GPR149: variants seen among roughly 807,000 people sequenced by gnomAD.
The protein encoded by GPR149 is probable G protein-coupled receptor 149.
In GPR149, 50 loss-of-function variants were observed where a neutral mutation model predicts 50.2. The ratio of observed to expected loss-of-function variants is 1.00; its 90% confidence interval spans 0.79 to 1.26. GPR149 has a LOEUF of 1.26. Among genes scored for constraint, GPR149 ranks in the 50% most tolerant of loss-of-function variants. GPR149 has a pLI of 0.00. For synonymous variants in GPR149, 405 were observed against 358.2 expected, an observed-to-expected ratio of 1.13 and a Z score of -1.48; for missense variants, 983 against 895.4, an observed-to-expected ratio of 1.10 and a Z score of -1.25.
rs1713679310 is a variant in GPR149, at chr3:154,337,429, C to T, written c.*270G>A. ...GTTGACAAGCAAAAACATTGGTAAA[C>T]TAGGCCAAGATTTGATTTAGAAAAT... On this transcript the variant is annotated 3_prime_UTR_variant, in exon 4 of 4. Coordinates refer to ENST00000389740, the MANE Select transcript of GPR149 (RefSeq NM_001038705.3). 6.6e-6 allele frequency among the ~76,000 whole-genome samples: 1 copy of T among 152,096 alleles called. No homozygotes were observed. Among genetic ancestry groups the T allele is most frequent in the Admixed American group, 6.6e-5 (1 of 15,252 alleles).
In GPR149 at chr3:154,421,090, A is replaced by G. The variant is rs1712129402; in HGVS notation, c.1572T>C (p.Asp524=). 5 of 1,613,066 alleles carry G rather than the reference A, an allele frequency of 3.1e-6. No homozygotes were observed. The highest frequency in any genetic ancestry group is 3.3e-4 in the Middle Eastern group (2 of 6,058). The change falls in exon 3 of 4, where the codon GAT becomes GAC. Residue 524 remains aspartate (D), a synonymous_variant. Coordinates refer to ENST00000389740, the MANE Select transcript of GPR149 (RefSeq NM_001038705.3). The part of the protein sequence containing the change: ...RLSHEESQKP[D]LSDWEWCRSK... ...TCCTACACCACTCCCAGTCTGAAAG[A>G]TCTGGTTTCTGACTCTCTTCATGAG...
chr3:154,376,717 T>G (rs1714799656), intron 3 of GPR149, among the ~76,000 whole-genome samples: 1 of 152,170 alleles, frequency 6.6e-6, no homozygotes. Flanking sequence ...AATATACATG[T>G]CTATTATAAC....
intron 3 of GPR149, among the ~76,000 whole-genome samples, chr3:154,419,045 G>A (rs1372942844): frequency 6.6e-6 from 1 of 151,832 alleles, no homozygotes; most frequent in Non-Finnish European, 1.5e-5. Flanking sequence ...GAAATAAAAA[G>A]TTTTACCTTT....
chr3:154,414,568 A>AG (rs1711934628), intron 3 of GPR149, among the ~76,000 whole-genome samples: 1 of 152,068 alleles, frequency 6.6e-6, no homozygotes, highest in African/African-American at 2.4e-5. Context: ...AAAAATTACA[A>AG]GGGGGAAAAA....
intron 2 of GPR149, among the ~76,000 whole-genome samples, chr3:154,427,259 CCCTTTT>C (rs770545520): frequency 1.9e-4 from 28 of 151,254 alleles, no homozygotes; most frequent in Non-Finnish European, 1.6e-4. Flanking sequence ...TCCTAGTCTT[CCCTTTT>C]TTTTTTCTAC....
intron 3 of GPR149, among the ~76,000 whole-genome samples, chr3:154,385,277 G>C (rs1515652): frequency 6.6e-6 from 1 of 152,162 alleles, no homozygotes; most frequent in Non-Finnish European, 1.5e-5. Context: ...CAATCCCTGC[G>C]AATTCTTTGG....
rs1713688690 is a variant in GPR149 at position 154,337,788 on chromosome 3, G to T, written c.2107C>A (p.Gln703Lys). 6.2e-7 allele frequency: 1 copy of T among 1,613,898 alleles called. No homozygotes were observed. Among genetic ancestry groups the T allele is most frequent in the Non-Finnish European group, 8.5e-7 (1 of 1,179,908 alleles). The change falls in exon 4 of 4, where the codon CAG becomes AAG. Residue 703 changes from glutamine to lysine, a missense_variant. Coordinates refer to ENST00000389740, the MANE Select transcript of GPR149 (RefSeq NM_001038705.3). ...TGGTAGCCATCCCTCTCTTGATGCT[G>T]CCTTTTACTGTTCTGCCTGTGTGCT... ...VEAHRQNSKRQHQERDGYQEE... is the reference protein window; with the variant it reads ...VEAHRQNSKRKHQERDGYQEE...
At chr3:154,392,116 A>G (rs1715185737) in intron 3 of GPR149, among the ~76,000 whole-genome samples, 1 of 151,932 alleles carries the variant, frequency 6.6e-6, no homozygotes, top group Admixed American at 6.6e-5. Flanking sequence ...AAAAAAATCA[A>G]TAAGGAAACA....
Position 154,429,554 on chromosome 3 carries a change from T to A in GPR149, c.62A>T (p.Asn21Ile). 1 of 1,614,024 alleles carries A rather than the reference T, an allele frequency of 6.2e-7. No individual in the cohort carries two copies. The highest frequency in any genetic ancestry group is 8.5e-7 in the Non-Finnish European group (1 of 1,179,856). ...TGGCGGATTTAAAAGGTCCGTAGAA[T>A]TATGATTCTCTTTCCACAGGCTAGA... ...NDSSLWKENH[N>I]STDLLNPPGT... Residue 21 changes from asparagine (N) to isoleucine (I), a missense_variant, in exon 1 of 4, where the codon AAT (asparagine) becomes ATT (isoleucine). Asn to Ile is a moderately radical substitution (Grantham distance 149). Coordinates refer to ENST00000389740, the MANE Select transcript of GPR149 (RefSeq NM_001038705.3).
chr3:154,341,164 G>C (rs1228915561), intron 3 of GPR149, among the ~76,000 whole-genome samples: 1 of 150,762 alleles, frequency 6.6e-6, no homozygotes, highest in East Asian at 2.0e-4. Context: ...ACTTAGATGG[G>C]GTGAGAAAAA....
chr3:154,338,184 A>G lies in GPR149; in HGVS notation c.1711T>C (p.Ser571Pro). 1 of 1,614,102 alleles carries G rather than the reference A, an allele frequency of 6.2e-7. No individual in the cohort carries two copies. Among genetic ancestry groups the G allele is most frequent in the South Asian group, 1.1e-5 (1 of 91,084 alleles). Residue 571 changes from serine to proline, a missense_variant, in exon 4 of 4, where the codon TCT becomes CCT. By Grantham distance (74) the Ser-to-Pro change is moderately conservative. Coordinates refer to ENST00000389740, the MANE Select transcript of GPR149 (RefSeq NM_001038705.3). ...HAPTGKTLSL[S>P]TYEVSAEGQK... The stretch of plus-strand genomic sequence containing the variant: ...CCTTCTGCGCTTACCTCATAGGTAG[A>G]AAGAGATAGGGTTTTCCCTGTAGGT...
At chr3:154,358,883 A>C (rs1256768136) in intron 3 of GPR149, among the ~76,000 whole-genome samples, 4 of 152,066 alleles carry the variant, frequency 2.6e-5, no homozygotes, top group Non-Finnish European at 5.9e-5. Flanking sequence ...TTGTATATAT[A>C]ATGTATAGTT....
At chr3:154,377,875 C>T (rs563746015) in intron 3 of GPR149, among the ~76,000 whole-genome samples, 104 of 152,152 alleles carry the variant, frequency 6.8e-4, no homozygotes, top group African/African-American at 2.4e-3. Flanking sequence ...TCCAGCTTCC[C>T]AGCCCTGATA....
intron 3 of GPR149, among the ~76,000 whole-genome samples, chr3:154,391,078 G>A (rs912696409): frequency 1.8e-4 from 28 of 151,986 alleles, no homozygotes; most frequent in Non-Finnish European, 7.4e-5. Context: ...AGTTCTTCAA[G>A]TTGAAACAAA....
intron 3 of GPR149, 117 bp downstream of exon 3, chr3:154,420,922 G>C (rs1415888167): frequency 1.4e-6 from 1 of 706,100 alleles, no homozygotes; most frequent in African/African-American, 1.8e-5. Context: ...AATTAATTGA[G>C]GCAAGTGAAG....
At chr3:154,371,594 T>C (rs2108401274) in intron 3 of GPR149, among the ~76,000 whole-genome samples, 1 of 152,276 alleles carries the variant, frequency 6.6e-6, no homozygotes, top group Middle Eastern at 3.4e-3. Flanking sequence ...CCAGCTTAAT[T>C]CTCTAGCTGC....
chr3:154,423,101 A>G (rs1712192123), intron 2 of GPR149, among the ~76,000 whole-genome samples: 1 of 151,892 alleles, frequency 6.6e-6, no homozygotes, highest in Non-Finnish European at 1.5e-5. Context: ...AGTGTGCAGA[A>G]TGTGTTAAAG....
At chr3:154,350,099 A>G (rs1360681110) in intron 3 of GPR149, among the ~76,000 whole-genome samples, 1 of 152,118 alleles carries the variant, frequency 6.6e-6, no homozygotes, top group African/African-American at 2.4e-5. Context: ...GAGGAGGCTG[A>G]GGTGAGAGGA....
intron 2 of GPR149, among the ~76,000 whole-genome samples, chr3:154,425,047 A>G (rs1007633716): frequency 3.9e-5 from 6 of 152,030 alleles, no homozygotes; most frequent in African/African-American, 1.4e-4. Flanking sequence ...TGAGAAGCAA[A>G]ACAAAACAAA....
Sources: allele counts gnomAD v4.1 joint callset (sites outside exome capture counted in the v4.1 genomes callset), GRCh38; gene constraint gnomAD v4.1.1; transcripts MANE v1.5; gene names NCBI Gene and HGNC (gene_info 2026-07-23, HGNC 2026-07-21).